KCNT2: variants seen among roughly 807,000 people sequenced by gnomAD.
KCNT2 encodes the protein potassium sodium-activated channel subfamily T member 2.
A neutral mutation model predicts 153.8 loss-of-function variants in KCNT2; 67 were observed. That is an observed-to-expected ratio of 0.44 (90% CI 0.36 to 0.53). The LOEUF (loss-of-function observed/expected upper bound fraction) is 0.53. Among genes scored for constraint, KCNT2 ranks in the 20% least tolerant of loss-of-function variants. KCNT2 has a pLI of 0.00. For synonymous variants in KCNT2, 500 were observed against 458.8 expected (o/e 1.09, Z -1.15); for missense variants, 975 against 1,354.8 (o/e 0.72, Z 4.40).
At chr1:196,383,637 G>A (rs1038360856) in intron 13 of KCNT2, among the ~76,000 whole-genome samples, 1 of 152,146 alleles carries the variant, frequency 6.6e-6, no homozygotes, top group Non-Finnish European at 1.5e-5. Context: ...CGGGAGTGAT[G>A]ACAGGGTCCA....
At chr1:196,584,302 C>T (rs1662411711) in intron 1 of KCNT2, among the ~76,000 whole-genome samples, 1 of 151,738 alleles carries the variant, frequency 6.6e-6, no homozygotes, top group South Asian at 2.1e-4. Flanking sequence ...TAACATACGC[C>T]TCAAATAAGG....
intron 8 of KCNT2, among the ~76,000 whole-genome samples, chr1:196,438,545 G>C (rs1674934625): frequency 6.6e-6 from 1 of 151,846 alleles, no homozygotes; most frequent in Non-Finnish European, 1.5e-5. Flanking sequence ...TATTTGCAAA[G>C]AATAGTCATG....
intron 13 of KCNT2, among the ~76,000 whole-genome samples, chr1:196,382,819 A>G (rs1669623780): frequency 6.6e-6 from 1 of 152,186 alleles, no homozygotes; most frequent in South Asian, 2.1e-4. Context: ...AAAGAAAAAA[A>G]CAAAAAAACA....
intron 8 of KCNT2, among the ~76,000 whole-genome samples, chr1:196,431,255 T>C (rs556404334): frequency 6.6e-6 from 1 of 152,228 alleles, no homozygotes; most frequent in South Asian, 2.1e-4. Flanking sequence ...AACACAGAAA[T>C]TGACACTGAG....
At chr1:196,538,448 C>G (rs983949614) in intron 1 of KCNT2, among the ~76,000 whole-genome samples, 9 of 152,168 alleles carry the variant, frequency 5.9e-5, no homozygotes, top group Non-Finnish European at 1.3e-4. Flanking sequence ...ACAGTTTTGA[C>G]ATAGCTTTTA....
intron 27 of KCNT2, among the ~76,000 whole-genome samples, chr1:196,235,277 T>A (rs932860499): frequency 9.9e-5 from 15 of 151,396 alleles, no homozygotes; most frequent in Non-Finnish European, 1.9e-4. Flanking sequence ...TCCACCATCA[T>A]AAATTCTATC....
At chr1:196,252,036 C>G (rs1049458382) in intron 26 of KCNT2, among the ~76,000 whole-genome samples, 3 of 151,612 alleles carry the variant, frequency 2.0e-5, no homozygotes, top group African/African-American at 7.3e-5. Flanking sequence ...ACTGTGCAGT[C>G]TCTTTATATT....
chr1:196,523,157 G>C (rs533171034), intron 1 of KCNT2, among the ~76,000 whole-genome samples: 1 of 152,178 alleles, frequency 6.6e-6, no homozygotes, highest in South Asian at 2.1e-4. Context: ...AACTCTGGAC[G>C]CACCACCTTT....
chr1:196,510,100 C>T (rs1054017941), intron 1 of KCNT2, among the ~76,000 whole-genome samples: 2 of 151,970 alleles, frequency 1.3e-5, no homozygotes, highest in African/African-American at 4.8e-5. Flanking sequence ...ATATATAGTA[C>T]ACTCAGGGAA....
At chr1:196,564,697 C>A (rs1659870376) in intron 1 of KCNT2, among the ~76,000 whole-genome samples, 1 of 151,778 alleles carries the variant, frequency 6.6e-6, no homozygotes, top group Non-Finnish European at 1.5e-5. Context: ...TAAATAGATA[C>A]TTTAAAAGTC....
chr1:196,232,252 C>T (rs942536532), intron 27 of KCNT2, among the ~76,000 whole-genome samples: 1 of 151,626 alleles, frequency 6.6e-6, no homozygotes, highest in African/African-American at 2.4e-5. Context: ...CTTTTTAATA[C>T]CATATCATCT....
intron 1 of KCNT2, among the ~76,000 whole-genome samples, chr1:196,529,855 A>G (rs1320834868): frequency 6.6e-6 from 1 of 152,102 alleles, no homozygotes; most frequent in Non-Finnish European, 1.5e-5. Flanking sequence ...TGCTCAAAAT[A>G]TAGAACATAC....
At chr1:196,453,890 C>A (rs1676431830) in intron 8 of KCNT2, among the ~76,000 whole-genome samples, 1 of 152,002 alleles carries the variant, frequency 6.6e-6, no homozygotes, top group Admixed American at 6.6e-5. Context: ...ATTTCTCTAT[C>A]TTTAGCCCCC....
chr1:196,476,910 C>G (rs937764700), intron 5 of KCNT2, among the ~76,000 whole-genome samples: 2 of 152,068 alleles, frequency 1.3e-5, no homozygotes, highest in African/African-American at 4.8e-5. Context: ...TTATAACTGA[C>G]CTATTGTAGG....
chr1:196,286,638 T>TACACACACAC (rs201006771), intron 22 of KCNT2, among the ~76,000 whole-genome samples: 1 of 134,310 alleles, frequency 7.4e-6, no homozygotes, highest in African/African-American at 2.7e-5. Context: ...CACACACACA[T>TACACACACAC]ACACACACAC....
At chr1:196,512,385 A>T (rs766776309) in intron 1 of KCNT2, among the ~76,000 whole-genome samples, 1 of 152,080 alleles carries the variant, frequency 6.6e-6, no homozygotes, top group Non-Finnish European at 1.5e-5. Context: ...TAAGCTGTCT[A>T]CTCAATATTT....
At chr1:196,428,670 C>T (rs1673863323) in intron 9 of KCNT2, among the ~76,000 whole-genome samples, 1 of 152,058 alleles carries the variant, frequency 6.6e-6, no homozygotes, top group Non-Finnish European at 1.5e-5. Context: ...CACATTCTAG[C>T]TGTACAGTAG....
intron 14 of KCNT2, among the ~76,000 whole-genome samples, chr1:196,347,331 C>T (rs1231848880): frequency 1.3e-5 from 2 of 152,084 alleles, no homozygotes; most frequent in African/African-American, 2.4e-5. Context: ...AGACTTAATT[C>T]AAGACTGATT....
intron 12 of KCNT2, among the ~76,000 whole-genome samples, chr1:196,405,043 C>T (rs1354807915): frequency 6.6e-6 from 1 of 151,158 alleles, no homozygotes; most frequent in African/African-American, 2.4e-5. Flanking sequence ...TTGAGTGGGT[C>T]ATTAAGTGAG....
Sources: allele counts gnomAD v4.1 joint callset (sites outside exome capture counted in the v4.1 genomes callset), GRCh38; gene constraint gnomAD v4.1.1; transcripts MANE v1.5; gene names NCBI Gene and HGNC (gene_info 2026-07-23, HGNC 2026-07-21).